ROBO3: variants seen among roughly 807,000 people sequenced by gnomAD.
ROBO3 encodes the protein roundabout homolog 3.
A neutral mutation model predicts 160.5 loss-of-function variants in ROBO3; 97 were observed. That is an observed-to-expected ratio of 0.60 (90% CI 0.51 to 0.72). ROBO3 has a LOEUF of 0.72. ROBO3 is among the 30% of genes least tolerant of loss of function. The pLI, the probability that ROBO3 is intolerant of heterozygous loss-of-function variation, is 0.00. For synonymous variants in ROBO3, 780 were observed against 746.2 expected (o/e 1.05, Z -0.74); for missense variants, 1,858 against 1,846.5 (o/e 1.01, Z -0.11).
chr11:124,869,745 C>G lies in ROBO3; in HGVS notation c.645+138C>G, dbSNP rs184772555. On this transcript the variant is annotated intron_variant, in intron 3 of 27. Coordinates refer to ENST00000397801, the MANE Select transcript of ROBO3 (RefSeq NM_022370.4). This position sits in a 1 kb window ranked among gnomAD's most constrained non-coding sequence, Gnocchi z 4.2. ...GCTATACAGTGAGGGATAAGGAAGACGGAATTGGTATAAAAAAGGGGCGGG... is the reference window on the plus strand; with the variant it reads ...GCTATACAGTGAGGGATAAGGAAGAGGGAATTGGTATAAAAAAGGGGCGGG... 3.5e-4 allele frequency: 448 copies of G among 1,265,090 alleles called. 1 individual carries two copies. In the African/African-American group the frequency reaches 6.0e-3, roughly 17 times the overall value. 78.4% of individuals were successfully genotyped at this position (1,265,090 alleles called of 1,614,324 possible).
In ROBO3 at chr11:124,876,150, G is replaced by C; in HGVS notation, c.2593+25G>C. Reference sequence around the variant, plus strand: ...CGTGAGTCCACCCGAGGGCAGTGCTGAGGATCTTGACGGGGGCGGGGCAAG... The same window carrying C: ...CGTGAGTCCACCCGAGGGCAGTGCTCAGGATCTTGACGGGGGCGGGGCAAG... On this transcript the variant is annotated intron_variant, in intron 16 of 27. Coordinates refer to ENST00000397801, the MANE Select transcript of ROBO3 (RefSeq NM_022370.4). The surrounding 1 kb of genome is among the most constrained non-coding windows in gnomAD (Gnocchi z 5.3). The C allele has an allele frequency of 6.3e-7, 1 of 1,577,352 alleles. No homozygotes were observed. The highest frequency in any genetic ancestry group is 8.6e-7 in the Non-Finnish European group (1 of 1,165,588).
In ROBO3 at chr11:124,869,225, C is replaced by T. The variant is rs76409958; in HGVS notation, c.487+97C>T. Reference sequence around the variant, plus strand: ...ACCCAGAACCAGCCCCAAAGGACTTCAGCCCACTCAGCATCCTTCTTTGGG... The same window carrying T: ...ACCCAGAACCAGCCCCAAAGGACTTTAGCCCACTCAGCATCCTTCTTTGGG... On this transcript the variant is annotated intron_variant, in intron 2 of 27. Coordinates refer to ENST00000397801, the MANE Select transcript of ROBO3 (RefSeq NM_022370.4). The surrounding 1 kb of genome is among the most constrained non-coding windows in gnomAD (Gnocchi z 4.2). 2.4e-3 allele frequency: 3,184 copies of T among 1,304,046 alleles called. 8 individuals are homozygous for T. The highest frequency in any genetic ancestry group is 6.1e-3 in the Middle Eastern group (24 of 3,958). The allele number at this position is 1,304,046 out of a possible 1,614,324, so 80.8% of individuals were successfully genotyped here.
rs2135335123 is a variant in ROBO3, at chr11:124,876,075, C to T, written c.2543C>T (p.Ala848Val). Residue 848 changes from alanine to valine, a missense_variant, in exon 16 of 28, where the codon GCC (alanine) becomes GTC (valine). Transcript: ENST00000397801. This position sits in a 1 kb window ranked among gnomAD's most constrained non-coding sequence, Gnocchi z 5.3. ...CTCTATCGAACCCTGGTCGCGGCGG[C>T]CACCAGCGCAGGCGTGGGCGTGCCC... ...GLLYRTLVAAATSAGVGVPSA... is the reference protein window; with the variant it reads ...GLLYRTLVAAVTSAGVGVPSA... 6.2e-7 allele frequency: 1 copy of T among 1,609,552 alleles called. No homozygotes were observed. The highest frequency in any genetic ancestry group is 8.5e-7 in the Non-Finnish European group (1 of 1,179,324).
rs374394209 is a variant in ROBO3, at chr11:124,879,605, A to G, written c.3796+30A>G. On this transcript the variant is annotated intron_variant, in intron 25 of 27. Transcript: ENST00000397801. ...GGGGGGATGCACCTGGGAGATGGTG[A>G]CAGTAGTGGCGGGGGGATAGGCAGG... 5.6e-5 allele frequency: 88 copies of G among 1,574,490 alleles called. No homozygotes were observed. In the African/African-American group the frequency reaches 9.3e-4, roughly 17 times the overall value.
chr11:124,874,207 GC>G lies in ROBO3; in HGVS notation c.1926del (p.Val643SerfsTer37). 1 of 1,613,940 alleles carries G rather than the reference GC, an allele frequency of 6.2e-7. No individual in the cohort carries two copies. The highest frequency in any genetic ancestry group is 8.5e-7 in the Non-Finnish European group (1 of 1,179,872). ...AVGAWGLSEP[S>X]PVSEPVRTQD... is the part of the protein sequence containing the mutation. ...GGAGCCTGGGGCCTCAGTGAGCCCA[GC>G]CCCGTCTCTGAGCCTGTCCGTACAC... On this transcript the variant is annotated frameshift_variant, in exon 12 of 28. Transcript: ENST00000397801. LOFTEE classifies it high-confidence loss of function.
At chr11:124,877,052 C>G in intron 17 of ROBO3, 109 bp from the exon 18 acceptor site, 1 of 1,227,694 alleles carries the variant, frequency 8.1e-7, no homozygotes, top group Non-Finnish European at 1.2e-6. Flanking sequence ...AGGGTGCAGC[C>G]TGAGTGGTGG....
rs959002923 is a variant in ROBO3 at position 124,868,325 on chromosome 11, A to T, written c.161-477A>T. The T allele has an allele frequency of 4.7e-5, 11 of 236,156 alleles. No homozygotes were observed. The Admixed American group carries it at 5.1e-4, about 11-fold the overall frequency. The allele number at this position is 236,156 out of a possible 1,614,324, so 14.6% of individuals were successfully genotyped here. ...CAAGCCAGTCCACATTCCCAATTTC[A>T]CTGAGCCAGGACCTTGCAGAAGTCA... On this transcript the variant is annotated intron_variant, in intron 1 of 27. Coordinates refer to ENST00000397801, the MANE Select transcript of ROBO3 (RefSeq NM_022370.4).
rs766437844 is a variant in ROBO3 at position 124,876,387 on chromosome 11, G to T, written c.2706G>T (p.Gly902=). The change falls in exon 17 of 28, where the codon GGG becomes GGT. Residue 902 remains glycine (G), a synonymous_variant. Transcript: ENST00000397801. This position sits in a 1 kb window ranked among gnomAD's most constrained non-coding sequence, Gnocchi z 5.3. ...AFLAGSGAAC[G]ALLLGLCAAL... ...TCGCGGGCAGCGGCGCAGCCTGCGG[G>T]GCGCTGCTTCTCGGGCTCTGCGCCG... 1.4e-6 allele frequency: 2 copies of T among 1,449,774 alleles called. No homozygotes were observed. The highest frequency in any genetic ancestry group is 1.5e-5 in the African/African-American group (1 of 67,318). 89.8% of individuals were successfully genotyped at this position (1,449,774 alleles called of 1,614,324 possible).
rs2135334025 is a variant in ROBO3, at chr11:124,875,599, T to C, written c.2335T>C (p.Leu779=). ...SGPPQGVAVA[L]GGDGNSSITV... is the part of the protein sequence containing the mutation. ...CCCCCCACAGGGAGTGGCGGTGGCC[T>C]TGGGGGGTGATGGCAACAGCAGTAT... Residue 779 remains leucine (L), a synonymous_variant, in exon 15 of 28, where the codon TTG becomes CTG. Transcript: ENST00000397801. 1 of 1,611,198 alleles carries C rather than the reference T, an allele frequency of 6.2e-7. No individual in the cohort carries two copies. The highest frequency in any genetic ancestry group is 1.1e-5 in the South Asian group (1 of 90,706).
Position 124,878,435 on chromosome 11 carries a change from A to T in ROBO3, c.3319A>T (p.Ser1107Cys). The T allele has an allele frequency of 6.2e-7, 1 of 1,612,462 alleles. No individual in the cohort carries two copies. Among genetic ancestry groups the T allele is most frequent in the Non-Finnish European group, 8.5e-7 (1 of 1,178,972 alleles). Residue 1107 changes from serine (S) to cysteine (C), a missense_variant and splice_region_variant, in exon 22 of 28, where the codon AGC becomes TGC. By Grantham distance (112) the Ser-to-Cys change is moderately radical (BLOSUM62 -1). Coordinates refer to ENST00000397801, the MANE Select transcript of ROBO3 (RefSeq NM_022370.4). This position sits in a 1 kb window ranked among gnomAD's most constrained non-coding sequence, Gnocchi z 4.3. Reference sequence around the variant, plus strand: ...AGGGCCGGAGGAGGAGCTGGAGGGCAGGTAGAGATGCTCCCTGCTTCCAGG... The same window carrying T: ...AGGGCCGGAGGAGGAGCTGGAGGGCTGGTAGAGATGCTCCCTGCTTCCAGG... Reference protein sequence around the residue: ...LEGPEEELEGSSEPEEWCPPM... With the variant: ...LEGPEEELEGCSEPEEWCPPM...
Position 124,878,675 on chromosome 11 carries a change from C to T in ROBO3, c.3412C>T (p.Arg1138Ter), listed in dbSNP as rs762363570. Residue 1138 changes from arginine (R) to a stop codon, truncating the protein, a stop_gained, in exon 23 of 28, where the codon CGA becomes TGA. Coordinates refer to ENST00000397801, the MANE Select transcript of ROBO3 (RefSeq NM_022370.4). LOFTEE classifies it high-confidence loss of function. The surrounding 1 kb of genome is among the most constrained non-coding windows in gnomAD (Gnocchi z 4.3). ...TGGAGGGTGCCTGGTCACCCCATCC[C>T]GAAGGGAAACCCCCTCTCCCACACC... ...SSGGCLVTPS[R>*]RETPSPTPSY... is the part of the protein sequence containing the mutation. 2.5e-6 allele frequency: 4 copies of T among 1,613,664 alleles called. No individual in the cohort carries two copies. Among genetic ancestry groups the T allele is most frequent in the Middle Eastern group, 1.6e-4 (1 of 6,062 alleles).
At chr11:124,868,456 G>C (rs1333925394) in intron 1 of ROBO3, 10 of 582,440 alleles carry the variant, frequency 1.7e-5, no homozygotes, top group Admixed American at 3.0e-5. Context: ...AGGAGGCGAG[G>C]GAGCGGTCTA....
rs2135335528 is a variant in ROBO3 at position 124,876,167 on chromosome 11, CG to C, written c.2593+46del. Reference sequence around the variant, plus strand: ...GCAGTGCTGAGGATCTTGACGGGGGCGGGGCAAGCCCCCCACTGGGGTAGCT... The same window carrying C: ...GCAGTGCTGAGGATCTTGACGGGGGCGGGCAAGCCCCCCACTGGGGTAGCT... On this transcript the variant is annotated intron_variant, in intron 16 of 27. Coordinates refer to ENST00000397801, the MANE Select transcript of ROBO3 (RefSeq NM_022370.4). The surrounding 1 kb of genome is among the most constrained non-coding windows in gnomAD (Gnocchi z 5.3). 6.4e-7 allele frequency: 1 copy of C among 1,556,598 alleles called. No individual in the cohort carries two copies.
chr11:124,865,795 G>A lies in ROBO3; in HGVS notation c.160+58G>A. The A allele has an allele frequency of 6.6e-7, 1 of 1,509,414 alleles. No homozygotes were observed. The highest frequency in any genetic ancestry group is 8.9e-7 in the Non-Finnish European group (1 of 1,124,582). 93.5% of individuals were successfully genotyped at this position (1,509,414 alleles called of 1,614,324 possible). ...TGGGATGGGGATGAGGTGAGAGGGC[G>A]GCGTGGAAGGGAAGGAGAAGCGCTC... On this transcript the variant is annotated intron_variant, in intron 1 of 27. Transcript: ENST00000397801. This position sits in a 1 kb window ranked among gnomAD's most constrained non-coding sequence, Gnocchi z 5.5.
In ROBO3 at chr11:124,876,325, G is replaced by C. The variant is rs768035185; in HGVS notation, c.2644G>C (p.Val882Leu). Residue 882 changes from valine (V) to leucine (L), a missense_variant, in exon 17 of 28, where the codon GTG becomes CTG. Transcript: ENST00000397801. This position sits in a 1 kb window ranked among gnomAD's most constrained non-coding sequence, Gnocchi z 5.3. Reference sequence around the variant, plus strand: ...GCTGGAGGTGGGCGCGGGGCTGGCGGTGCGGCTGGCGAGGGTGCTGCGGGA... The same window carrying C: ...GCTGGAGGTGGGCGCGGGGCTGGCGCTGCGGCTGGCGAGGGTGCTGCGGGA... ...PGLEVGAGLA[V>L]RLARVLREPA... is the part of the protein sequence containing the mutation. 8 of 1,441,464 alleles carry C rather than the reference G, an allele frequency of 5.5e-6. No homozygotes were observed. The highest frequency in any genetic ancestry group is 1.5e-5 in the South Asian group (1 of 67,140). The allele number at this position is 1,441,464 out of a possible 1,614,324, so 89.3% of individuals were successfully genotyped here. A position where few individuals can be genotyped will look rare whatever the true frequency, so the allele number is the denominator to read the frequency against.
chr11:124,875,624 T>C lies in ROBO3; in HGVS notation c.2360T>C (p.Ile787Thr), dbSNP rs1946349050. Residue 787 changes from isoleucine to threonine, a missense_variant, in exon 15 of 28, where the codon ATC becomes ACC. Coordinates refer to ENST00000397801, the MANE Select transcript of ROBO3 (RefSeq NM_022370.4). ...TTGGGGGGTGATGGCAACAGCAGTA[T>C]CACTGTGTCCTGGGAACCTCCACTC... ...VALGGDGNSS[I>T]TVSWEPPLPS... 6.2e-7 allele frequency: 1 copy of C among 1,611,140 alleles called. No homozygotes were observed. Among genetic ancestry groups the C allele is most frequent in the African/African-American group, 1.3e-5 (1 of 74,622 alleles).
At position 124,871,000 on chromosome 11, in the gene ROBO3, C is replaced by A; in HGVS notation, c.1034-14C>A. 1 of 1,601,540 alleles carries A rather than the reference C, an allele frequency of 6.2e-7. No individual in the cohort carries two copies. The highest frequency in any genetic ancestry group is 1.7e-5 in the Admixed American group (1 of 59,402). On this transcript the variant is annotated splice_polypyrimidine_tract_variant and intron_variant, in intron 6 of 27. Coordinates refer to ENST00000397801, the MANE Select transcript of ROBO3 (RefSeq NM_022370.4). Reference sequence around the variant, plus strand: ...TCTGACTACCTGTTCCTTTTTCTCACCTGCCCTTCCCAGTCCCACCCCAGT... The same window carrying A: ...TCTGACTACCTGTTCCTTTTTCTCAACTGCCCTTCCCAGTCCCACCCCAGT...
rs770201114 is a variant in ROBO3, at chr11:124,872,551, A to G, written c.1329A>G (p.Gly443=). 3.9e-5 allele frequency: 63 copies of G among 1,612,776 alleles called. No individual in the cohort carries two copies. Among genetic ancestry groups the G allele is most frequent in the Non-Finnish European group, 4.9e-5 (58 of 1,179,082 alleles). Residue 443 remains glycine (G), a splice_region_variant and synonymous_variant, in exon 8 of 28, where the codon GGA becomes GGG. Coordinates refer to ENST00000397801, the MANE Select transcript of ROBO3 (RefSeq NM_022370.4). The surrounding 1 kb of genome is among the most constrained non-coding windows in gnomAD (Gnocchi z 4.3). ...CCAAGGCCCTGCTGGAGATAAAAGG[A>G]GGTACGTGCCCATGGAGATAGGACT... ...ILAKALLEIK[G]ASLDGLPPVI...
At chr11:124,877,695 A>G (rs1293825496) in intron 20 of ROBO3, 37 bp downstream of exon 20, 1 of 1,603,690 alleles carries the variant, frequency 6.2e-7, no homozygotes, top group Non-Finnish European at 8.5e-7. Context: ...GCTTCAGCGC[A>G]CTTCTCCCGA....
Sources: allele counts gnomAD v4.1 joint callset, GRCh38; gene constraint gnomAD v4.1.1; non-coding constraint Gnocchi (gnomAD v3.1); transcripts MANE v1.5; gene names NCBI Gene and HGNC (gene_info 2026-07-23, HGNC 2026-07-21).